Variants in SPIRE1 observed in about 807,000 individuals in gnomAD.
SPIRE1 encodes the protein protein spire homolog 1.
SPIRE1 carries 40 observed loss-of-function variants against 94.1 expected under a neutral mutation model. The observed-to-expected ratio is 0.43, with a 90% CI of 0.33 to 0.55. SPIRE1 has a LOEUF of 0.55. SPIRE1 is among the 20% of genes least tolerant of loss of function. The pLI is 0.06. For missense variants in SPIRE1, 838 were observed against 975.2 expected (o/e 0.86, Z 1.87); for synonymous variants, 376 against 371.7 (o/e 1.01, Z -0.13).
chr18:12,574,743 C>T (rs1051098659), intron 2 of SPIRE1, among the ~76,000 whole-genome samples: 2 of 152,142 alleles, frequency 1.3e-5, no homozygotes, highest in Admixed American at 1.3e-4. Flanking sequence ...AAGAACTAAA[C>T]ATTCAGTGGC....
intron 10 of SPIRE1, among the ~76,000 whole-genome samples, chr18:12,476,564 A>ATAT (rs1555682891): frequency 2.9e-5 from 2 of 69,870 alleles, no homozygotes; most frequent in East Asian, 4.0e-4. Context: ...AAAAAAAAAA[A>ATAT]ATATATATAT....
At chr18:12,634,960 T>G in intron 2 of SPIRE1, 102 bp downstream of exon 2, 2 of 607,828 alleles carry the variant, frequency 3.3e-6, no homozygotes, top group Admixed American at 3.4e-5. Flanking sequence ...AGAAATCTTA[T>G]CAGAAGACCA....
upstream of SPIRE1, among the ~76,000 whole-genome samples, chr18:12,660,596 C>T (rs957360650): frequency 6.6e-6 from 1 of 152,132 alleles, no homozygotes; most frequent in African/African-American, 2.4e-5. Context: ...GCTGGGATTA[C>T]AGGTGTGAGC....
At chr18:12,661,964 TTTG>T (rs2038700822), upstream of SPIRE1, 6 of 256,604 alleles carry the variant, frequency 2.3e-5, no homozygotes, top group Admixed American at 5.0e-5. Flanking sequence ...ATGATTTTGT[TTTG>T]TTGATTTTGT....
At chr18:12,466,788 G>C (rs1027504564) in intron 10 of SPIRE1, among the ~76,000 whole-genome samples, 9 of 152,068 alleles carry the variant, frequency 5.9e-5, no homozygotes, top group Non-Finnish European at 7.4e-5. Flanking sequence ...GTGCCATGGT[G>C]GTTTGCTGTA....
At chr18:12,485,863 CTTT>C (rs1261055377) in intron 9 of SPIRE1, 93 bp downstream of exon 9, 1 of 941,468 alleles carries the variant, frequency 1.1e-6, no homozygotes, top group South Asian at 1.5e-5. Context: ...TTTCAATTTT[CTTT>C]TTTAACATGT....
chr18:12,529,884 T>C (rs2034636655), intron 4 of SPIRE1, among the ~76,000 whole-genome samples: 1 of 152,226 alleles, frequency 6.6e-6, no homozygotes, highest in Admixed American at 6.5e-5. Context: ...TGCACAATTA[T>C]TTTCACTGTT....
At chr18:12,479,228 G>A (rs1446992341) in intron 10 of SPIRE1, among the ~76,000 whole-genome samples, 2 of 137,660 alleles carry the variant, frequency 1.5e-5, no homozygotes, top group Non-Finnish European at 3.0e-5. Flanking sequence ...AGGCTGGAAT[G>A]CAGTGGCACA....
At chr18:12,605,899 G>A (rs567014880) in intron 2 of SPIRE1, among the ~76,000 whole-genome samples, 74 of 152,054 alleles carry the variant, frequency 4.9e-4, no homozygotes, top group Non-Finnish European at 2.1e-4. Context: ...GGCCTCCCTC[G>A]TTCACCGCCA....
chr18:12,634,935 C>CA (rs35302137), intron 2 of SPIRE1, 127 bp downstream of exon 2: 9,380 of 430,130 alleles, frequency 0.022, no homozygotes, highest in East Asian at 0.03. Context: ...AAGTCCATCT[C>CA]AAAAAAAAAA....
chr18:12,603,417 T>C (rs1461617412), intron 2 of SPIRE1, among the ~76,000 whole-genome samples: 1 of 152,068 alleles, frequency 6.6e-6, no homozygotes, highest in Non-Finnish European at 1.5e-5. Context: ...TGGGTGTCTT[T>C]TTGTATATTA....
At chr18:12,488,395 T>G (rs1396509067) in intron 8 of SPIRE1, among the ~76,000 whole-genome samples, 1 of 152,172 alleles carries the variant, frequency 6.6e-6, no homozygotes, top group Non-Finnish European at 1.5e-5. Flanking sequence ...CCTTTGTGGT[T>G]GGAGACGGAC....
At chr18:12,644,468 T>C (rs1156328252) in intron 1 of SPIRE1, among the ~76,000 whole-genome samples, 2 of 151,914 alleles carry the variant, frequency 1.3e-5, no homozygotes, top group African/African-American at 2.4e-5. Context: ...AATTAAATGA[T>C]CAATAAATGA....
intron 2 of SPIRE1, among the ~76,000 whole-genome samples, chr18:12,575,002 C>G (rs1292255184): frequency 6.6e-6 from 1 of 152,074 alleles, no homozygotes; most frequent in Non-Finnish European, 1.5e-5. Flanking sequence ...GGTGAGTAAA[C>G]AGAAATGTGT....
intron 12 of SPIRE1, among the ~76,000 whole-genome samples, chr18:12,460,227 G>A (rs2031724836): frequency 6.6e-6 from 1 of 152,178 alleles, no homozygotes; most frequent in Non-Finnish European, 1.5e-5. Context: ...GAAGGATAGA[G>A]GCAACTCGTT....
At chr18:12,576,368 C>G (rs62097103) in intron 2 of SPIRE1, among the ~76,000 whole-genome samples, 51,835 of 151,284 alleles carry the variant, frequency 0.34, 10,364 homozygotes, top group East Asian at 0.58. Context: ...GAGGCTGAGA[C>G]GGGTGAAACT....
intron 2 of SPIRE1, among the ~76,000 whole-genome samples, chr18:12,589,280 C>T (rs796320021): frequency 2.0e-4 from 31 of 152,210 alleles, no homozygotes; most frequent in African/African-American, 7.5e-4. Context: ...TTCTCCATAG[C>T]CCATGAACTT....
At position 12,535,495 on chromosome 18, in the gene SPIRE1, T is replaced by C. The variant is rs200159648; in HGVS notation, c.710A>G (p.Lys237Arg). The C allele has an allele frequency of 6.2e-6, 10 of 1,613,200 alleles. No homozygotes were observed. The highest frequency in any genetic ancestry group is 7.6e-6 in the Non-Finnish European group (9 of 1,179,358). ...ETMELHTFLTKIKSAKENLKK... is the reference protein window; with the variant it reads ...ETMELHTFLTRIKSAKENLKK... Reference sequence around the variant, plus strand: ...ACTCACCTCTTTCGCACTCTTAATTTTGGTCAGAAATGTATGGAGCTCCAT... The same window carrying C: ...ACTCACCTCTTTCGCACTCTTAATTCTGGTCAGAAATGTATGGAGCTCCAT... The change falls in exon 4 of 17, where the codon AAA (lysine) becomes AGA (arginine). Residue 237 changes from lysine (K) to arginine (R), a missense_variant. Around this residue, in one of 2 missense-constraint regions of SPIRE1, gnomAD observed 645 missense variants for 804.7 expected, o/e 0.80. Transcript: ENST00000409402.
At chr18:12,533,063 A>G (rs919162829) in intron 4 of SPIRE1, among the ~76,000 whole-genome samples, 6 of 152,244 alleles carry the variant, frequency 3.9e-5, no homozygotes, top group Non-Finnish European at 8.8e-5. Context: ...GAAGAGCCTG[A>G]GGGGACTCTT....
Sources: allele counts gnomAD v4.1 joint callset (sites outside exome capture counted in the v4.1 genomes callset), GRCh38; gene constraint gnomAD v4.1.1; regional missense constraint gnomAD v4.1.1; transcripts MANE v1.5; gene names NCBI Gene and HGNC (gene_info 2026-07-23, HGNC 2026-07-21).